Variants in VGLL3 observed in about 807,000 individuals in gnomAD.
VGLL3 encodes the protein vestigial like family member 3.
A neutral mutation model predicts 29.2 loss-of-function variants in VGLL3; 18 were observed. The observed-to-expected ratio is 0.62, with a 90% CI of 0.43 to 0.91. The LOEUF (loss-of-function observed/expected upper bound fraction) is 0.91. VGLL3 is among the 40% of genes least tolerant of loss of function. The probability of loss-of-function intolerance (pLI) is 0.00; values close to 1 mark genes in which losing one functional copy is unlikely to be tolerated. For synonymous variants in VGLL3, 180 were observed against 151.8 expected, an observed-to-expected ratio of 1.19 and a Z score of -1.36; for missense variants, 440 against 413.2, an observed-to-expected ratio of 1.06 and a Z score of -0.56.
chr3:86,984,982 T>A (rs1295186225), intron 1 of VGLL3, among the ~76,000 whole-genome samples: 1 of 152,142 alleles, frequency 6.6e-6, no homozygotes, highest in Non-Finnish European at 1.5e-5. Flanking sequence ...GGGAAGGGAA[T>A]TCAATAAAAA....
intron 3 of VGLL3, among the ~76,000 whole-genome samples, chr3:86,955,659 G>T (rs1234195317): frequency 1.3e-5 from 2 of 152,050 alleles, no homozygotes; most frequent in Non-Finnish European, 2.9e-5. Flanking sequence ...CCAAAGTGTT[G>T]GGATTACAGG....
Position 86,940,539 on chromosome 3 carries a change from T to C in VGLL3, c.*6485A>G, listed in dbSNP as rs1461512865. On this transcript the variant is annotated 3_prime_UTR_variant, in exon 4 of 4. Transcript: ENST00000398399. Reference sequence around the variant, plus strand: ...GATGTTGTAATTTCCAAAATATTTATAAGATGCTTAATTGAATAAGGAGGA... The same window carrying C: ...GATGTTGTAATTTCCAAAATATTTACAAGATGCTTAATTGAATAAGGAGGA... 6.6e-6 allele frequency: 1 copy of C among 152,558 alleles called. No individual in the cohort carries two copies. The highest frequency in any genetic ancestry group is 1.5e-5 in the Non-Finnish European group (1 of 67,988). 9.5% of individuals were successfully genotyped at this position (152,558 alleles called of 1,614,324 possible). A position where few individuals can be genotyped will look rare whatever the true frequency, so the allele number is the denominator to read the frequency against.
At chr3:86,965,841 T>A (rs189338382) in intron 3 of VGLL3, among the ~76,000 whole-genome samples, 69 of 152,274 alleles carry the variant, frequency 4.5e-4, no homozygotes, top group African/African-American at 1.5e-3. Context: ...CAGGCCTCTA[T>A]TGACTTCATC....
chr3:86,962,784 G>A (rs1319562912), intron 3 of VGLL3: 13 of 349,456 alleles, frequency 3.7e-5, no homozygotes, highest in African/African-American at 8.9e-5. Flanking sequence ...TTGGGAGTCC[G>A]AGGCAGGTGG....
intron 2 of VGLL3, among the ~76,000 whole-genome samples, chr3:86,975,545 A>G (rs1476701954): frequency 1.3e-5 from 2 of 152,204 alleles, no homozygotes; most frequent in Admixed American, 1.3e-4. Flanking sequence ...AGTTCATATA[A>G]CTTATTACCA....
In VGLL3 at chr3:86,944,716, A is replaced by C. The variant is rs1002656557; in HGVS notation, c.*2308T>G. 6.6e-6 allele frequency: 1 copy of C among 152,224 alleles called. No homozygotes were observed. The highest frequency in any genetic ancestry group is 2.4e-5 in the African/African-American group (1 of 41,456). The allele number at this position is 152,224 out of a possible 1,614,324, so 9.4% of individuals were successfully genotyped here. On this transcript the variant is annotated 3_prime_UTR_variant, in exon 4 of 4. Coordinates refer to ENST00000398399, the MANE Select transcript of VGLL3 (RefSeq NM_016206.4). Reference sequence around the variant, plus strand: ...AAATTCAGGGTGAAGACATCTAATTAATGCCCTTCAATTAAATTTGGTGGA... The same window carrying C: ...AAATTCAGGGTGAAGACATCTAATTCATGCCCTTCAATTAAATTTGGTGGA...
intron 3 of VGLL3, among the ~76,000 whole-genome samples, chr3:86,955,380 CTTTTTT>C (rs67190879): frequency 7.6e-6 from 1 of 131,708 alleles, no homozygotes; most frequent in South Asian, 2.4e-4. Flanking sequence ...CTCTCTCTCT[CTTTTTT>C]TTTTTTTTTT....
chr3:86,968,503 T>G, intron 3 of VGLL3, 87 bp downstream of exon 3: 1 of 1,431,152 alleles, frequency 7.0e-7, no homozygotes, highest in Non-Finnish European at 9.4e-7. Flanking sequence ...ACTTTACAGA[T>G]AAGAAAAAAT....
chr3:86,977,048 T>C (rs537868783), intron 2 of VGLL3, among the ~76,000 whole-genome samples: 2 of 152,338 alleles, frequency 1.3e-5, no homozygotes, highest in African/African-American at 4.8e-5. Context: ...TCAGTTCTCA[T>C]AGTAAGCCCA....
chr3:86,973,459 G>A (rs1705146483), intron 2 of VGLL3, among the ~76,000 whole-genome samples: 1 of 152,186 alleles, frequency 6.6e-6, no homozygotes, highest in Non-Finnish European at 1.5e-5. Flanking sequence ...GAAGTGAAAT[G>A]ACATGTGTTC....
chr3:86,948,246 G>T (rs574230232), intron 3 of VGLL3, among the ~76,000 whole-genome samples: 47 of 152,234 alleles, frequency 3.1e-4, no homozygotes, highest in Middle Eastern at 3.4e-3. Context: ...CAAAGTTGCT[G>T]TTGTGTGGGT....
At position 86,990,612 on chromosome 3, in the gene VGLL3, A is replaced by ACT. The variant is rs753247086; in HGVS notation, c.126+4_126+5dup. The ACT allele has an allele frequency of 7.4e-7, 1 of 1,346,570 alleles. No individual in the cohort carries two copies. 83.4% of individuals were successfully genotyped at this position (1,346,570 alleles called of 1,614,324 possible). ...CCCCCAGCAGGCTGCCCGTCCGGTG[A>ACT]CTCACCTGCTGGCCAGGTTGGGGCG... is the stretch of plus-strand genomic sequence containing the variant. On this transcript the variant is annotated splice_donor_region_variant and intron_variant, in intron 1 of 3. Transcript: ENST00000398399.
At chr3:86,966,662 A>G (rs895479097) in intron 3 of VGLL3, among the ~76,000 whole-genome samples, 1 of 150,884 alleles carries the variant, frequency 6.6e-6, no homozygotes, top group Non-Finnish European at 1.5e-5. Flanking sequence ...GACACATAAC[A>G]ATGTAATTTA....
chr3:86,984,730 G>T (rs1705399874), intron 1 of VGLL3, among the ~76,000 whole-genome samples: 1 of 151,986 alleles, frequency 6.6e-6, no homozygotes, highest in African/African-American at 2.4e-5. Context: ...CAGAAATTAT[G>T]CAAAGACTTG....
At position 86,944,028 on chromosome 3, in the gene VGLL3, T is replaced by C. The variant is rs969064187; in HGVS notation, c.*2996A>G. Reference sequence around the variant, plus strand: ...GAAGCCTCTAAGTCCAACAGCATCATTTTGATGTGAAAAAAGAAGAGCCAG... The same window carrying C: ...GAAGCCTCTAAGTCCAACAGCATCACTTTGATGTGAAAAAAGAAGAGCCAG... On this transcript the variant is annotated 3_prime_UTR_variant, in exon 4 of 4. Coordinates refer to ENST00000398399, the MANE Select transcript of VGLL3 (RefSeq NM_016206.4). 6.6e-6 allele frequency: 1 copy of C among 152,114 alleles called. No individual in the cohort carries two copies. Among genetic ancestry groups the C allele is most frequent in the Non-Finnish European group, 1.5e-5 (1 of 68,018 alleles). 9.4% of individuals were successfully genotyped at this position (152,114 alleles called of 1,614,324 possible). A position where few individuals can be genotyped will look rare whatever the true frequency, so the allele number is the denominator to read the frequency against.
chr3:86,950,516 T>G (rs560332756), intron 3 of VGLL3, among the ~76,000 whole-genome samples: 1 of 152,332 alleles, frequency 6.6e-6, no homozygotes, highest in East Asian at 1.9e-4. Context: ...TTATACTGGC[T>G]GTAGCCTAAG....
chr3:86,976,581 T>A (rs1174033021), intron 2 of VGLL3, among the ~76,000 whole-genome samples: 3 of 152,226 alleles, frequency 2.0e-5, no homozygotes. Flanking sequence ...TATGAAAACA[T>A]TGCCTTTATT....
chr3:86,968,138 G>A (rs999457404), intron 3 of VGLL3, among the ~76,000 whole-genome samples: 1 of 152,010 alleles, frequency 6.6e-6, no homozygotes, highest in Non-Finnish European at 1.5e-5. Flanking sequence ...TTGTTCAAAA[G>A]GCTACACTAT....
intron 3 of VGLL3, among the ~76,000 whole-genome samples, chr3:86,952,993 G>T (rs1425597114): frequency 6.6e-6 from 1 of 152,150 alleles, no homozygotes. Flanking sequence ...TTCTAAATAA[G>T]ATCTGTGTAG....
Sources: allele counts gnomAD v4.1 joint callset (sites outside exome capture counted in the v4.1 genomes callset), GRCh38; gene constraint gnomAD v4.1.1; transcripts MANE v1.5; gene names NCBI Gene and HGNC (gene_info 2026-07-23, HGNC 2026-07-21).